TMC5: variants seen among roughly 807,000 people sequenced by gnomAD.
The protein encoded by TMC5 is transmembrane channel like 5.
In TMC5, 86 loss-of-function variants were observed where a neutral mutation model predicts 110.5. The observed-to-expected ratio is 0.78, with a 90% confidence interval of 0.65 to 0.93. The LOEUF (loss-of-function observed/expected upper bound fraction) is 0.93. Among genes scored for constraint, TMC5 ranks in the 40% least tolerant of loss-of-function variants. The pLI, the probability that TMC5 is intolerant of heterozygous loss-of-function variation, is 0.00. For missense variants in TMC5, 1,144 were observed against 1,222.8 expected (o/e 0.94, Z 0.96); for synonymous variants, 455 against 439.5 (o/e 1.04, Z -0.44).
At chr16:19,435,838 G>T (rs1446375445) in intron 2 of TMC5, among the ~76,000 whole-genome samples, 1 of 152,182 alleles carries the variant, frequency 6.6e-6, no homozygotes, top group African/African-American at 2.4e-5. Context: ...CATCCATGAC[G>T]CTGCGTGCAG....
rs761059584 is a variant in TMC5 at position 19,486,974 on chromosome 16, C to A, written c.2393C>A (p.Pro798His). The change falls in exon 16 of 22, where the codon CCC (proline) becomes CAC (histidine). Residue 798 changes from proline (P) to histidine (H), a missense_variant. Transcript: ENST00000542583. ...WIGIFFCPLL[P>H]FIQMIMLFIM... ...GGCATCTTCTTCTGCCCCCTGCTGCCCTTTATCCAAATGATTATGCTTTTC... is the reference window on the plus strand; with the variant it reads ...GGCATCTTCTTCTGCCCCCTGCTGCACTTTATCCAAATGATTATGCTTTTC... The A allele has an allele frequency of 1.1e-5, 17 of 1,613,988 alleles. No individual in the cohort carries two copies. In the Admixed American group the frequency reaches 2.7e-4, roughly 25 times the overall value.
intron 15 of TMC5, among the ~76,000 whole-genome samples, chr16:19,486,282 A>T (rs910397900): frequency 1.3e-5 from 2 of 152,024 alleles, no homozygotes; most frequent in African/African-American, 4.8e-5. Flanking sequence ...TAAGGGAGGG[A>T]TCTGTCTCAA....
chr16:19,466,329 G>A (rs1968188715), intron 9 of TMC5, 96 bp downstream of exon 9: 6 of 1,308,646 alleles, frequency 4.6e-6, no homozygotes, highest in Non-Finnish European at 5.3e-6. Context: ...CAGTTTCTCT[G>A]CAGTCCTCTC....
chr16:19,446,821 C>T (rs1158321294), intron 4 of TMC5, among the ~76,000 whole-genome samples: 1 of 152,160 alleles, frequency 6.6e-6, no homozygotes, highest in Non-Finnish European at 1.5e-5. Flanking sequence ...CAGTATAGCT[C>T]ACTTCTCTGG....
At chr16:19,436,163 G>A (rs746210822) in intron 2 of TMC5, among the ~76,000 whole-genome samples, 2 of 149,912 alleles carry the variant, frequency 1.3e-5, no homozygotes, top group Admixed American at 6.7e-5. Flanking sequence ...TCGGGAGGCT[G>A]AGGCAGAGAA....
chr16:19,474,102 G>A (rs776086981), intron 11 of TMC5, 23 bp from the exon 12 acceptor site: 11 of 1,610,650 alleles, frequency 6.8e-6, no homozygotes, highest in South Asian at 2.2e-5. Context: ...TCAGCCCTCC[G>A]TTCTCTCCCC....
At chr16:19,494,395 CT>C (rs746681539) in intron 20 of TMC5, 29 bp downstream of exon 20, 68 of 1,559,948 alleles carry the variant, frequency 4.4e-5, no homozygotes, top group Non-Finnish European at 6.2e-6. Flanking sequence ...TTGGGGACCC[CT>C]GGGACACGAG....
At chr16:19,464,091 C>G (rs960730193) in intron 8 of TMC5, 67 bp downstream of exon 8, 34 of 1,546,804 alleles carry the variant, frequency 2.2e-5, no homozygotes, top group Non-Finnish European at 2.6e-6. Flanking sequence ...CGTGCCTTGC[C>G]GGTCACCCAC....
Position 19,498,082 on chromosome 16 carries a change from G to A in TMC5, c.*116G>A, listed in dbSNP as rs1969103095. The A allele has an allele frequency of 1.9e-6, 2 of 1,039,974 alleles. No homozygotes were observed. Among genetic ancestry groups the A allele is most frequent in the Non-Finnish European group, 1.5e-6 (1 of 673,932 alleles). 64.4% of individuals were successfully genotyped at this position (1,039,974 alleles called of 1,614,324 possible). A position where few individuals can be genotyped will look rare whatever the true frequency, so the allele number is the denominator to read the frequency against. On this transcript the variant is annotated 3_prime_UTR_variant, in exon 22 of 22. Coordinates refer to ENST00000542583, the MANE Select transcript of TMC5 (RefSeq NM_001261841.2). ...GCCCAGAAGAAAATCCAAGGCTTTAGCCAGGAGCGGAAACTGACTACCATG... is the reference window on the plus strand; with the variant it reads ...GCCCAGAAGAAAATCCAAGGCTTTAACCAGGAGCGGAAACTGACTACCATG...
chr16:19,439,756 T>G (rs1967436728), intron 2 of TMC5, among the ~76,000 whole-genome samples: 1 of 152,164 alleles, frequency 6.6e-6, no homozygotes, highest in African/African-American at 2.4e-5. Flanking sequence ...TGGGAAGTTG[T>G]GGGTATCACT....
chr16:19,496,728 T>TAA (rs370945127), intron 20 of TMC5, among the ~76,000 whole-genome samples: 1 of 141,058 alleles, frequency 7.1e-6, no homozygotes, highest in Non-Finnish European at 1.6e-5. Flanking sequence ...CTACTAAAAA[T>TAA]AAAAAAAAAA....
chr16:19,460,403 C>A, intron 6 of TMC5, 69 bp downstream of exon 6: 1 of 1,110,296 alleles, frequency 9.0e-7, no homozygotes, highest in Non-Finnish European at 1.3e-6. Context: ...TTTGCCCCAT[C>A]TCAAAAAGAT....
intron 15 of TMC5, among the ~76,000 whole-genome samples, chr16:19,483,759 C>T (rs1362978192): frequency 3.4e-5 from 5 of 149,218 alleles, no homozygotes; most frequent in African/African-American, 5.0e-5. Flanking sequence ...GCCTGGGCAG[C>T]GAGAGTGAAA....
intron 5 of TMC5, among the ~76,000 whole-genome samples, chr16:19,458,878 T>C (rs1293291537): frequency 6.6e-6 from 1 of 152,146 alleles, no homozygotes; most frequent in East Asian, 1.9e-4. Context: ...CCCTGTGCTG[T>C]GACCAAGGAG....
chr16:19,466,082 G>T lies in TMC5; in HGVS notation c.1486G>T (p.Gly496Cys). ...FTGLEFFTGVGYFRDTVMYYG... is the reference protein window; with the variant it reads ...FTGLEFFTGVCYFRDTVMYYG... ...ACCTATGGTTTATTGTACCTTTCAG[G>T]GTTATTTTAGGGACACAGTGATGTA... Residue 496 changes from glycine (G) to cysteine (C), a missense_variant and splice_region_variant, in exon 9 of 22, where the codon GGT becomes TGT. Gly to Cys is a radical substitution (Grantham distance 159). Coordinates refer to ENST00000542583, the MANE Select transcript of TMC5 (RefSeq NM_001261841.2). 3 of 1,613,514 alleles carry T rather than the reference G, an allele frequency of 1.9e-6. No individual in the cohort carries two copies. The highest frequency in any genetic ancestry group is 2.2e-5 in the South Asian group (2 of 91,002).
chr16:19,439,843 G>A, intron 2 of TMC5, 117 bp from the exon 3 acceptor site: 3 of 574,292 alleles, frequency 5.2e-6, no homozygotes, highest in East Asian at 5.7e-5. Context: ...CTTTATTCTA[G>A]GCAGTTGTGT....
rs1396343046 is a variant in TMC5 at position 19,490,747 on chromosome 16, CTTCCTTCCTTCCTTCCCTTCCT to C, written c.2747+182_2747+203del. ...CCTTCCTTCCTTCCTTCCTTCCTTC[CTTCCTTCCTTCCTTCCCTTCCT>C]TTTTTTCTTTTCTCTTCTCTTCCCT... On this transcript the variant is annotated intron_variant, in intron 18 of 21. Transcript: ENST00000542583. Among the ~76,000 whole-genome samples the C allele has an allele frequency of 2.5e-3, 245 of 97,564 alleles. 3 individuals are homozygous for C. Among genetic ancestry groups the C allele is most frequent in the South Asian group, 3.6e-3 (9 of 2,534 alleles). 64.0% of individuals were successfully genotyped at this position (97,564 alleles called of 152,430 possible). A position where few individuals can be genotyped will look rare whatever the true frequency, so the allele number is the denominator to read the frequency against.
At chr16:19,468,125 C>T (rs1597199162) in intron 9 of TMC5, among the ~76,000 whole-genome samples, 1 of 152,040 alleles carries the variant, frequency 6.6e-6, no homozygotes, top group East Asian at 1.9e-4. Flanking sequence ...CAGGCTCATG[C>T]CAACACACCC....
chr16:19,422,231 A>C (rs1357502709), intron 1 of TMC5, among the ~76,000 whole-genome samples: 1 of 130,838 alleles, frequency 7.6e-6, no homozygotes, highest in African/African-American at 3.2e-5. Context: ...ACTCCATTTC[A>C]AAAAAAAAAA....
Sources: gnomAD v4.1 joint callset for allele counts (sites outside exome capture counted in the v4.1 genomes callset) on GRCh38, gnomAD v4.1.1 for gene constraint, MANE v1.5 for transcripts, NCBI Gene and HGNC (gene_info 2026-07-23, HGNC 2026-07-21) for gene names.